NEK11: variants seen among roughly 807,000 people sequenced by gnomAD.
NEK11 encodes NIMA related kinase 11.
A neutral mutation model predicts 80.7 loss-of-function variants in NEK11; 72 were observed. The ratio of observed to expected loss-of-function variants is 0.89; its 90% CI spans 0.74 to 1.08. The LOEUF (loss-of-function observed/expected upper bound fraction) is 1.08. Ranked by LOEUF, NEK11 falls within the 50% of genes least tolerant of loss-of-function variation. The pLI is 0.00. For synonymous variants in NEK11, 251 were observed against 260.7 expected (o/e 0.96, Z 0.36); for missense variants, 764 against 763.6 (o/e 1.00, Z -0.01).
intron 16 of NEK11, among the ~76,000 whole-genome samples, chr3:131,269,567 TAA>T: frequency 6.6e-6 from 1 of 152,170 alleles, no homozygotes; most frequent in East Asian, 1.9e-4. Context: ...ACCCATTGTC[TAA>T]CCAGTCCCAA....
At chr3:131,117,093 G>A (rs765915418) in intron 5 of NEK11, among the ~76,000 whole-genome samples, 2 of 152,126 alleles carry the variant, frequency 1.3e-5, no homozygotes, top group African/African-American at 4.8e-5. Flanking sequence ...TTTCTTCTAG[G>A]GTTTTTATGG....
At chr3:131,191,756 G>C (rs1028839045) in intron 14 of NEK11, among the ~76,000 whole-genome samples, 1 of 151,932 alleles carries the variant, frequency 6.6e-6, no homozygotes. Context: ...ATGATATTAG[G>C]AAGACTGGAT....
chr3:131,065,594 G>C (rs537327111), intron 3 of NEK11, among the ~76,000 whole-genome samples: 19 of 152,242 alleles, frequency 1.2e-4, no homozygotes, highest in South Asian at 8.3e-4. Context: ...TTGGGGTGGT[G>C]GGGGAGGAAG....
At chr3:131,120,950 G>A (rs983434874) in intron 5 of NEK11, among the ~76,000 whole-genome samples, 2 of 152,194 alleles carry the variant, frequency 1.3e-5, no homozygotes, top group Non-Finnish European at 1.5e-5. Flanking sequence ...GGGGAAGTTT[G>A]TTATTACCTA....
chr3:131,167,502 C>T (rs1432459195), intron 12 of NEK11, among the ~76,000 whole-genome samples: 1 of 152,098 alleles, frequency 6.6e-6, no homozygotes, highest in African/African-American at 2.4e-5. Flanking sequence ...TCAAGATCAC[C>T]ATGTTTGTGT....
At chr3:131,316,145 G>GT (rs1316974646) in intron 17 of NEK11, among the ~76,000 whole-genome samples, 3 of 151,890 alleles carry the variant, frequency 2.0e-5, no homozygotes, top group Non-Finnish European at 1.5e-5. Flanking sequence ...TCTGAAAAAG[G>GT]AAAAAAACAT....
chr3:131,171,664 A>G lies in NEK11; in HGVS notation c.1399+777A>G, dbSNP rs558677178. Among the ~76,000 whole-genome samples, 7 of 152,320 alleles carry G rather than the reference A, an allele frequency of 4.6e-5. No homozygotes were observed. In the South Asian group the frequency reaches 1.5e-3, roughly 32 times the overall value. ...AGGGTTGTTGTGAATAGCAAATGAG[A>G]CGTGGCATGTGGAGTGGTCTTAGTT... On this transcript the variant is annotated intron_variant, in intron 14 of 17. Transcript: ENST00000383366.
At chr3:131,322,105 G>A (rs2096903314) in intron 17 of NEK11, among the ~76,000 whole-genome samples, 1 of 152,098 alleles carries the variant, frequency 6.6e-6, no homozygotes, top group Non-Finnish European at 1.5e-5. Context: ...CTCATCAGTG[G>A]GGGACTGGAT....
intron 5 of NEK11, among the ~76,000 whole-genome samples, chr3:131,127,476 A>AAAAATATATATATATTTTCTATATAG (rs2083569755): frequency 6.6e-6 from 1 of 150,768 alleles, no homozygotes; most frequent in Non-Finnish European, 1.5e-5. Context: ...TAGTGCATAT[A>AAAAATATATATATATTTTCTATATAG]AAAATATATA....
chr3:131,240,380 G>A (rs892819289), intron 15 of NEK11, among the ~76,000 whole-genome samples: 6 of 152,122 alleles, frequency 3.9e-5, no homozygotes, highest in African/African-American at 7.2e-5. Flanking sequence ...TGGACAGTAC[G>A]CCACAACCAG....
intron 4 of NEK11, among the ~76,000 whole-genome samples, chr3:131,097,988 A>G (rs1260537994): frequency 1.4e-5 from 2 of 145,754 alleles, no homozygotes; most frequent in Non-Finnish European, 3.1e-5. Flanking sequence ...CAGAGCCCTC[A>G]GAAATAATGC....
chr3:131,293,495 A>G (rs2096564802), intron 17 of NEK11, among the ~76,000 whole-genome samples: 1 of 151,948 alleles, frequency 6.6e-6, no homozygotes, highest in African/African-American at 2.4e-5. Context: ...ATTTGCAAAT[A>G]TTTTGTTAAA....
intron 14 of NEK11, among the ~76,000 whole-genome samples, chr3:131,174,146 G>C (rs1318715466): frequency 6.6e-6 from 1 of 151,964 alleles, no homozygotes; most frequent in Non-Finnish European, 1.5e-5. Context: ...CTTTGCTATT[G>C]TGAATAGTGC....
At chr3:131,302,106 A>T (rs1194664596) in intron 17 of NEK11, among the ~76,000 whole-genome samples, 5 of 152,044 alleles carry the variant, frequency 3.3e-5, no homozygotes, top group Non-Finnish European at 7.4e-5. Flanking sequence ...ATTTCTAGGA[A>T]TGTATCAGTT....
intron 17 of NEK11, among the ~76,000 whole-genome samples, chr3:131,334,103 C>T (rs1032974098): frequency 2.6e-5 from 4 of 152,338 alleles, no homozygotes; most frequent in African/African-American, 9.6e-5. Context: ...GAACTCAGCT[C>T]TGCACCAAGT....
chr3:131,338,200 C>T (rs975455884), intron 17 of NEK11, among the ~76,000 whole-genome samples: 3 of 149,908 alleles, frequency 2.0e-5, no homozygotes, highest in South Asian at 4.2e-4. Context: ...CTCCTGCCCT[C>T]GTGATCCACT....
intron 6 of NEK11, 90 bp downstream of exon 6, chr3:131,132,899 G>T: frequency 1.7e-6 from 1 of 594,614 alleles, no homozygotes; most frequent in Non-Finnish European, 2.9e-6. Flanking sequence ...GTACGTGGAA[G>T]TATTAGAGTA....
chr3:131,096,781 A>G lies in NEK11; in HGVS notation c.337-13022A>G, dbSNP rs569411135. Among the ~76,000 whole-genome samples, 25 of 151,900 alleles carry G rather than the reference A, an allele frequency of 1.6e-4. No homozygotes were observed. The South Asian group carries it at 5.2e-3, about 32-fold the overall frequency. On this transcript the variant is annotated intron_variant, in intron 4 of 17. Transcript: ENST00000383366. ...TTAAGTTTTAGGGTACATGTGCACA[A>G]TGTGCAGGTTAGTTACATATGTATA...
chr3:131,232,936 C>G, intron 15 of NEK11, among the ~76,000 whole-genome samples: 1 of 150,766 alleles, frequency 6.6e-6, no homozygotes, highest in East Asian at 2.0e-4. Flanking sequence ...AAATTCCTAT[C>G]AAGTAGGTGG....
Sources: allele counts gnomAD v4.1 joint callset (sites outside exome capture counted in the v4.1 genomes callset), GRCh38; gene constraint gnomAD v4.1.1; transcripts MANE v1.5; gene names NCBI Gene and HGNC (gene_info 2026-07-23, HGNC 2026-07-21).